Variants in LINGO2 observed in about 807,000 individuals in gnomAD.
LINGO2 encodes leucine-rich repeat and immunoglobulin-like domain-containing nogo receptor-interacting protein 2.
In LINGO2, 14 loss-of-function variants were observed where a neutral mutation model predicts 30.6. The ratio of observed to expected loss-of-function variants is 0.46; its 90% CI spans 0.30 to 0.72. LINGO2 has a LOEUF of 0.72. LINGO2 is among the 30% of genes least tolerant of loss of function. The pLI, the probability that LINGO2 is intolerant of heterozygous loss-of-function variation, is 0.07. For synonymous variants in LINGO2, 317 were observed against 288.5 expected, an observed-to-expected ratio of 1.10 and a Z score of -1.00; for missense variants, 729 against 751.7, an observed-to-expected ratio of 0.97 and a Z score of 0.35.
intron 1 of LINGO2, among the ~76,000 whole-genome samples, chr9:28,598,401 G>T (rs7861525): frequency 0.078 from 7,736 of 99,064 alleles, 707 homozygotes; most frequent in African/African-American, 0.24. Flanking sequence ...TGGTAAAGAA[G>T]AATTTGTTCT....
intron 1 of LINGO2, among the ~76,000 whole-genome samples, chr9:28,536,206 A>G (rs918524525): frequency 2.6e-5 from 4 of 152,096 alleles, no homozygotes; most frequent in African/African-American, 9.7e-5. Context: ...GTGTGGTGGG[A>G]AAGTTTTAGA....
chr9:27,976,803 C>T (rs751718648), intron 5 of LINGO2, among the ~76,000 whole-genome samples: 3 of 152,068 alleles, frequency 2.0e-5, no homozygotes, highest in Non-Finnish European at 2.9e-5. Flanking sequence ...TTACATCCTT[C>T]ATATTTTCCA....
chr9:29,167,368 G>A, the LINGO2 span, among the ~76,000 whole-genome samples: 1,247 of 152,228 alleles, frequency 8.2e-3, 5 homozygotes, highest in Middle Eastern at 0.041. Flanking sequence ...ATCTGAACCA[G>A]CATATCAAAC....
chr9:28,895,378 T>C, the LINGO2 span, among the ~76,000 whole-genome samples: 5 of 152,086 alleles, frequency 3.3e-5, no homozygotes, highest in Admixed American at 6.6e-5. Flanking sequence ...TCACAAAAGA[T>C]TGCAAAAACT....
the LINGO2 span, among the ~76,000 whole-genome samples, chr9:28,848,395 G>GTA: frequency 6.7e-4 from 26 of 38,802 alleles, no homozygotes; most frequent in African/African-American, 1.6e-3. Context: ...GTGTGTGTGT[G>GTA]TGTATATATA....
At chr9:28,299,881 C>T (rs1319789891) in intron 3 of LINGO2, among the ~76,000 whole-genome samples, 1 of 152,034 alleles carries the variant, frequency 6.6e-6, no homozygotes, top group Non-Finnish European at 1.5e-5. Flanking sequence ...CATTTAAACC[C>T]ATGATACTCC....
intron 1 of LINGO2, among the ~76,000 whole-genome samples, chr9:28,564,519 C>A (rs1474832753): frequency 2.0e-5 from 3 of 152,096 alleles, no homozygotes; most frequent in Admixed American, 2.0e-4. Context: ...GCCTTTCATA[C>A]AGCAAGCAGA....
the LINGO2 span, among the ~76,000 whole-genome samples, chr9:28,743,276 C>T: frequency 6.6e-6 from 1 of 151,928 alleles, no homozygotes; most frequent in South Asian, 2.1e-4. Flanking sequence ...TGGTGGTTTG[C>T]TGCACCCATC....
At chr9:28,737,705 T>C in the LINGO2 span, among the ~76,000 whole-genome samples, 1 of 152,152 alleles carries the variant, frequency 6.6e-6, no homozygotes, top group Non-Finnish European at 1.5e-5. Flanking sequence ...GCTTTAGAGT[T>C]ATTCAGTCTT....
At chr9:28,094,892 T>C (rs2133283593) in intron 4 of LINGO2, among the ~76,000 whole-genome samples, 1 of 152,232 alleles carries the variant, frequency 6.6e-6, no homozygotes, top group African/African-American at 2.4e-5. Flanking sequence ...AGAAGCATAA[T>C]GCACTCTACA....
the LINGO2 span, among the ~76,000 whole-genome samples, chr9:29,026,042 C>T: frequency 4.9e-3 from 748 of 151,370 alleles, 9 homozygotes; most frequent in African/African-American, 0.017. Context: ...TTTTTCTTTT[C>T]TTTTTTTTGG....
chr9:28,339,276 T>C (rs554677106), intron 3 of LINGO2, among the ~76,000 whole-genome samples: 2 of 152,288 alleles, frequency 1.3e-5, no homozygotes, highest in Admixed American at 1.3e-4. Flanking sequence ...AGTAAACATT[T>C]ATTGCCTTAG....
the LINGO2 span, among the ~76,000 whole-genome samples, chr9:28,769,606 T>C: frequency 8.9e-5 from 13 of 145,834 alleles, no homozygotes; most frequent in African/African-American, 3.3e-4. Flanking sequence ...AATTTTGATG[T>C]TGCCTATCCT....
chr9:28,783,231 C>T, the LINGO2 span, among the ~76,000 whole-genome samples: 1 of 152,024 alleles, frequency 6.6e-6, no homozygotes, highest in Non-Finnish European at 1.5e-5. Flanking sequence ...CCATGGGGAA[C>T]CGGTTCTAGA....
chr9:28,981,260 G>C, the LINGO2 span, among the ~76,000 whole-genome samples: 1 of 152,092 alleles, frequency 6.6e-6, no homozygotes, highest in African/African-American at 2.4e-5. Flanking sequence ...CAGTAATGTA[G>C]GCAGGAACAC....
At chr9:28,804,531 C>T in the LINGO2 span, among the ~76,000 whole-genome samples, 31 of 119,420 alleles carry the variant, frequency 2.6e-4, 1 homozygote, top group South Asian at 7.1e-3. Context: ...GTTGTGTTCA[C>T]GGCAAAAACA....
chr9:28,646,212 T>G (rs1827831261), intron 1 of LINGO2, among the ~76,000 whole-genome samples: 1 of 151,954 alleles, frequency 6.6e-6, no homozygotes, highest in Non-Finnish European at 1.5e-5. Context: ...TGTAAGAAAA[T>G]AAGTAAGTAA....
chr9:28,659,443 T>C (rs1438474), intron 1 of LINGO2, among the ~76,000 whole-genome samples: 1 of 151,784 alleles, frequency 6.6e-6, no homozygotes, highest in Non-Finnish European at 1.5e-5. Context: ...TATATACTTT[T>C]TTTTCCTTTT....
downstream of LINGO2, among the ~76,000 whole-genome samples, chr9:27,946,909 TG>T (rs1158301992): frequency 6.6e-6 from 1 of 152,174 alleles, no homozygotes; most frequent in Non-Finnish European, 1.5e-5. Flanking sequence ...AAATAATTTC[TG>T]GGCTTATCCT....
Sources: allele counts gnomAD v4.1 joint callset (sites outside exome capture counted in the v4.1 genomes callset), GRCh38; gene constraint gnomAD v4.1.1; transcripts MANE v1.5; gene names NCBI Gene and HGNC (gene_info 2026-07-23, HGNC 2026-07-21).